The following DEPDC4 variants were observed in gnomAD, a reference collection of about 807,000 sequenced individuals.
DEPDC4 encodes the protein DEP domain-containing protein 4.
DEPDC4 carries 52 observed loss-of-function variants against 52.0 expected under a neutral mutation model. The observed-to-expected ratio is 1.00, with a 90% CI of 0.80 to 1.26. The LOEUF is 1.26. Ranked by LOEUF, DEPDC4 falls within the 50% of genes most tolerant of loss-of-function variation. The pLI is 0.00. For missense variants in DEPDC4, 530 were observed against 546.9 expected (o/e 0.97, Z 0.31); for synonymous variants, 201 against 196.8 (o/e 1.02, Z -0.18).
At chr12:100,270,656 A>G (rs894825297), upstream of DEPDC4, among the ~76,000 whole-genome samples, 4 of 145,100 alleles carry the variant, frequency 2.8e-5, no homozygotes, top group Non-Finnish European at 6.0e-5. Context: ...TTTTATTTAC[A>G]TAGAGACAGG....
chr12:100,257,266 C>T (rs2096237564), intron 3 of DEPDC4, among the ~76,000 whole-genome samples: 1 of 151,968 alleles, frequency 6.6e-6, no homozygotes, highest in African/African-American at 2.4e-5. Flanking sequence ...TTAGTAGAGA[C>T]AGGGTTTCAC....
chr12:100,241,618 C>A lies in DEPDC4; in HGVS notation c.*274G>T. 9.7e-7 allele frequency: 1 copy of A among 1,030,336 alleles called. No individual in the cohort carries two copies. Among genetic ancestry groups the A allele is most frequent in the South Asian group, 2.2e-5 (1 of 46,388 alleles). 63.8% of individuals were successfully genotyped at this position (1,030,336 alleles called of 1,614,324 possible). ...GTGTAAGTATGGCAATTTGAGAAAACCACCAGAGAATTGTTTATATTTACA... is the reference window on the plus strand; with the variant it reads ...GTGTAAGTATGGCAATTTGAGAAAAACACCAGAGAATTGTTTATATTTACA... On this transcript the variant is annotated 3_prime_UTR_variant, in exon 10 of 10. Transcript: ENST00000550587.
intron 7 of DEPDC4, among the ~76,000 whole-genome samples, 170 bp from the exon 8 acceptor site, chr12:100,249,148 A>G (rs199748154): frequency 6.6e-6 from 1 of 152,098 alleles, no homozygotes; most frequent in Non-Finnish European, 1.5e-5. Context: ...AATTCTTGAA[A>G]TTTTTTTAGC....
At chr12:100,279,926 C>T in the DEPDC4 span, among the ~76,000 whole-genome samples, 1 of 152,232 alleles carries the variant, frequency 6.6e-6, no homozygotes, top group African/African-American at 2.4e-5. Flanking sequence ...AGCATAGCTT[C>T]ATTCACTTTG....
chr12:100,261,910 G>T, intron 3 of DEPDC4: 1 of 404,408 alleles, frequency 2.5e-6, no homozygotes. Context: ...AAAGCACAGA[G>T]AATTTTTAGG....
In DEPDC4 at chr12:100,240,675, A is replaced by C. The variant is rs2096154946; in HGVS notation, c.*1217T>G. Among the ~76,000 whole-genome samples, 1 of 152,186 alleles carries C rather than the reference A, an allele frequency of 6.6e-6. No homozygotes were observed. On this transcript the variant is annotated 3_prime_UTR_variant, in exon 10 of 10. Coordinates refer to ENST00000550587, the MANE Select transcript of DEPDC4 (RefSeq NM_001364818.2). Reference sequence around the variant, plus strand: ...GAAAGAATGAGAAGGAAAGAAGATAACCATAAAATATGGACTGAAGAAGAA... The same window carrying C: ...GAAAGAATGAGAAGGAAAGAAGATACCCATAAAATATGGACTGAAGAAGAA...
At chr12:100,268,167 T>C (rs1481610242), upstream of DEPDC4, among the ~76,000 whole-genome samples, 2 of 152,192 alleles carry the variant, frequency 1.3e-5, no homozygotes, top group African/African-American at 4.8e-5. Context: ...AGTGACTTCA[T>C]TGGAAGGTGT....
chr12:100,260,568 A>G (rs1221090928), intron 3 of DEPDC4, among the ~76,000 whole-genome samples: 2 of 151,188 alleles, frequency 1.3e-5, no homozygotes, highest in Non-Finnish European at 2.9e-5. Context: ...CCCTTTAAAT[A>G]TTAGTCTTCA....
intron 3 of DEPDC4, among the ~76,000 whole-genome samples, chr12:100,256,954 T>G (rs1253084061): frequency 1.3e-5 from 2 of 152,070 alleles, no homozygotes; most frequent in Non-Finnish European, 2.9e-5. Context: ...TCATTGTTTT[T>G]AAACTAAAAT....
intron 8 of DEPDC4, among the ~76,000 whole-genome samples, chr12:100,248,086 G>A (rs1031922007): frequency 6.6e-6 from 1 of 151,898 alleles, no homozygotes; most frequent in African/African-American, 2.4e-5. Flanking sequence ...GTTAATCTTC[G>A]ACACAGTTTC....
At chr12:100,233,071 G>A (rs555142378) in intron 9 of DEPDC4, among the ~76,000 whole-genome samples, 5 of 152,098 alleles carry the variant, frequency 3.3e-5, no homozygotes, top group Non-Finnish European at 7.4e-5. Context: ...TCAAAACAAC[G>A]AGTAAACTGT....
Position 100,241,614 on chromosome 12 carries a change from A to G in DEPDC4, c.*278T>C. ...TGAAGTGTAAGTATGGCAATTTGAG[A>G]AAACCACCAGAGAATTGTTTATATT... On this transcript the variant is annotated 3_prime_UTR_variant, in exon 10 of 10. Transcript: ENST00000550587. The G allele has an allele frequency of 9.8e-7, 1 of 1,019,094 alleles. No individual in the cohort carries two copies. Among genetic ancestry groups the G allele is most frequent in the South Asian group, 2.2e-5 (1 of 45,456 alleles). The allele number at this position is 1,019,094 out of a possible 1,614,324, so 63.1% of individuals were successfully genotyped here. A position where few individuals can be genotyped will look rare whatever the true frequency, so the allele number is the denominator to read the frequency against.
chr12:100,270,146 C>T (rs1254196110), upstream of DEPDC4, among the ~76,000 whole-genome samples: 3 of 152,040 alleles, frequency 2.0e-5, no homozygotes, highest in Non-Finnish European at 2.9e-5. Flanking sequence ...ACCACCAGGC[C>T]TGGCTAATTT....
downstream of DEPDC4, among the ~76,000 whole-genome samples, chr12:100,239,496 C>A (rs1414593823): frequency 6.6e-6 from 1 of 152,050 alleles, no homozygotes; most frequent in Non-Finnish European, 1.5e-5. Flanking sequence ...CCACTTCAGT[C>A]TCCTGAGTAG....
At chr12:100,257,322 C>A (rs943938653) in intron 3 of DEPDC4, among the ~76,000 whole-genome samples, 2 of 152,116 alleles carry the variant, frequency 1.3e-5, no homozygotes, top group African/African-American at 4.8e-5. Context: ...AAGTGATCCA[C>A]CCGCCTTGGC....
the DEPDC4 span, among the ~76,000 whole-genome samples, chr12:100,278,630 CTT>C: frequency 1.3e-3 from 157 of 120,440 alleles, no homozygotes; most frequent in African/African-American, 1.8e-3. Flanking sequence ...TGGGGAAATT[CTT>C]TTTTTTTTTT....
At chr12:100,245,631 T>C (rs1291438481) in intron 8 of DEPDC4, among the ~76,000 whole-genome samples, 2 of 152,174 alleles carry the variant, frequency 1.3e-5, no homozygotes, top group Non-Finnish European at 2.9e-5. Context: ...TAAATATTTC[T>C]CAAACTGTTC....
intron 3 of DEPDC4, among the ~76,000 whole-genome samples, chr12:100,256,639 TTTTTTG>T (rs1288089282): frequency 6.8e-5 from 9 of 133,126 alleles, no homozygotes; most frequent in Non-Finnish European, 1.5e-4. Flanking sequence ...TTGTTTTGTG[TTTTTTG>T]TTTTTTTTTT....
chr12:100,281,425 T>G, the DEPDC4 span, among the ~76,000 whole-genome samples: 1 of 152,180 alleles, frequency 6.6e-6, no homozygotes, highest in Non-Finnish European at 1.5e-5. Flanking sequence ...GGTGGCTTAT[T>G]TATGCCTGTA....
Sources: gnomAD v4.1 joint callset for allele counts (sites outside exome capture counted in the v4.1 genomes callset) on GRCh38, gnomAD v4.1.1 for gene constraint, MANE v1.5 for transcripts, NCBI Gene and HGNC (gene_info 2026-07-23, HGNC 2026-07-21) for gene names.